FRMPD3: variants seen among roughly 807,000 people sequenced by gnomAD.
FRMPD3 encodes the protein FERM and PDZ domain containing 3, also known as FERM and PDZ domain-containing protein 3.
In FRMPD3, 42 loss-of-function variants were observed where a neutral mutation model predicts 97.9. That is an observed-to-expected ratio of 0.43 (90% CI 0.34 to 0.55). FRMPD3 has a LOEUF of 0.55. Ranked by LOEUF, FRMPD3 falls within the 20% of genes least tolerant of loss-of-function variation. The pLI is 0.03. For missense variants in FRMPD3, 1,303 were observed against 1,457.7 expected, an observed-to-expected ratio of 0.89 and a Z score of 1.73; for synonymous variants, 577 against 581.1, an observed-to-expected ratio of 0.99 and a Z score of 0.10.
At position 107,597,523 on chromosome X, in the gene FRMPD3, G is replaced by A. The variant is rs756607379; in HGVS notation, c.1644G>A (p.Glu548=). The change falls in exon 14 of 15, where the codon GAG becomes GAA. Residue 548 remains glutamate, a synonymous_variant. Coordinates refer to ENST00000683843, the MANE Select transcript of FRMPD3 (RefSeq NM_001388459.1). ...AGGAAAGCCGGACAGATGTCAACGAGAACCTAATCTTCTTTGAGGAGACCA... is the reference window on the plus strand; with the variant it reads ...AGGAAAGCCGGACAGATGTCAACGAAAACCTAATCTTCTTTGAGGAGACCA... ...KEQESRTDVN[E]NLIFFEETRP... 8.3e-7 allele frequency: 1 copy of A among 1,210,688 alleles called. No individual in the cohort carries two copies. Among genetic ancestry groups the A allele is most frequent in the Admixed American group, 2.2e-5 (1 of 46,001 alleles).
chrX:107,520,497 A>AG (rs199600421), intron 1 of FRMPD3, among the ~76,000 whole-genome samples: 2 of 109,718 alleles, frequency 1.8e-5, no homozygotes, highest in African/African-American at 6.7e-5. Flanking sequence ...AAAAAAAAAA[A>AG]ACACACACAA....
rs746102355 is a variant in FRMPD3 at position 107,552,848 on chromosome X, T to C, written c.564T>C (p.Phe188=). 2.5e-6 allele frequency: 3 copies of C among 1,208,973 alleles called. No individual in the cohort carries two copies. The part of the protein sequence containing the change: ...DRLSLRFIEH[F]ALVLEYAGPE... ...TTTCCCTGAGGTTCATTGAGCACTT[T>C]GCTCTTGTCCTTGAGTATGCCGGGC... is the stretch of plus-strand genomic sequence containing the variant. The change falls in exon 7 of 15, where the codon TTT becomes TTC. Residue 188 remains phenylalanine (F), a synonymous_variant. Transcript: ENST00000683843.
intron 13 of FRMPD3, among the ~76,000 whole-genome samples, chrX:107,584,917 G>T (rs1478095739): frequency 2.7e-5 from 3 of 111,565 alleles, no homozygotes; most frequent in African/African-American, 9.8e-5. Flanking sequence ...GGATTGTCTT[G>T]GTTATACAGG....
chrX:107,591,830 G>A (rs1381381652), intron 13 of FRMPD3, among the ~76,000 whole-genome samples: 3 of 111,902 alleles, frequency 2.7e-5, no homozygotes, highest in Admixed American at 1.9e-4. Flanking sequence ...TTACAGGCAT[G>A]CAATGTGAAA....
intron 3 of FRMPD3, among the ~76,000 whole-genome samples, chrX:107,533,037 C>T (rs1489428590): frequency 1.8e-5 from 2 of 111,530 alleles, no homozygotes; most frequent in Admixed American, 9.5e-5. Context: ...GTCATGGTGA[C>T]CAAATGACCT....
At chrX:107,525,688 C>T (rs904831477) in intron 1 of FRMPD3, 2 of 558,209 alleles carry the variant, frequency 3.6e-6, no homozygotes, top group East Asian at 3.2e-5. Flanking sequence ...GCATTATGGA[C>T]AATTTTGGTC....
At chrX:107,450,722 A>C (rs1931273016) in intron 1 of FRMPD3, among the ~76,000 whole-genome samples, 1 of 109,433 alleles carries the variant, frequency 9.1e-6, no homozygotes, top group Non-Finnish European at 1.9e-5. Flanking sequence ...TGCACACACA[A>C]ACACACTCCT....
At chrX:107,469,535 G>C (rs1921007968) in intron 1 of FRMPD3, among the ~76,000 whole-genome samples, 1 of 111,975 alleles carries the variant, frequency 8.9e-6, no homozygotes, top group Admixed American at 9.4e-5. Flanking sequence ...ATGAAAGGAA[G>C]AAAAGGATAG....
rs771705162 is a variant in FRMPD3, at chrX:107,533,550, G to GGTGA, written c.297+6_297+9dup. 63 of 1,202,528 alleles carry GGTGA rather than the reference G, an allele frequency of 5.2e-5. No homozygotes were observed. The highest frequency in any genetic ancestry group is 7.0e-5 in the Non-Finnish European group (62 of 890,762). On this transcript the variant is annotated frameshift_variant and splice_region_variant. Transcript: ENST00000683843. LOFTEE classifies it high-confidence loss of function. Reference sequence around the variant, plus strand: ...TTCTTACAGTTCTGCACACTCATCAGGTGAGTGAGCCTCTTTGCCATCTGC... The same window carrying GGTGA: ...TTCTTACAGTTCTGCACACTCATCAGGTGAGTGAGTGAGCCTCTTTGCCATCTGC...
At chrX:107,514,640 C>A (rs947976718) in intron 1 of FRMPD3, among the ~76,000 whole-genome samples, 1 of 109,165 alleles carries the variant, frequency 9.2e-6, no homozygotes, top group African/African-American at 3.4e-5. Context: ...ATTCTCCTGC[C>A]TCAGCCTCCC....
intron 1 of FRMPD3, among the ~76,000 whole-genome samples, chrX:107,476,052 T>C (rs1248474145): frequency 9.0e-6 from 1 of 111,234 alleles, no homozygotes; most frequent in Non-Finnish European, 1.9e-5. Flanking sequence ...CCTGGCTAAT[T>C]TTTTGCATTT....
In FRMPD3 at chrX:107,600,883, G is replaced by A. The variant is rs753330586; in HGVS notation, c.2844G>A (p.Lys948=). 1 of 1,209,817 alleles carries A rather than the reference G, an allele frequency of 8.3e-7. No individual in the cohort carries two copies. Among genetic ancestry groups the A allele is most frequent in the East Asian group, 3.0e-5 (1 of 33,770 alleles). ...RLSPKLILDP[K]SSVTPAIISA... ...GCCCCAAGCTTATCCTCGACCCAAA[G>A]AGCAGTGTGACCCCTGCCATCATCT... The change falls in exon 15 of 15, where the codon AAG becomes AAA. Residue 948 remains lysine, a synonymous_variant. Transcript: ENST00000683843.
chrX:107,542,859 G>C (rs1195173132), intron 4 of FRMPD3, among the ~76,000 whole-genome samples: 1 of 111,856 alleles, frequency 8.9e-6, no homozygotes, highest in Non-Finnish European at 1.9e-5. Flanking sequence ...GGCCCATAGG[G>C]GTGGTGGTTT....
chrX:107,554,859 C>T, intron 8 of FRMPD3: 1 of 191,369 alleles, frequency 5.2e-6, no homozygotes, highest in Admixed American at 6.3e-5. Context: ...AGATGATTCC[C>T]AATTCAGTTT....
chrX:107,594,454 C>G (rs1384877428), intron 13 of FRMPD3, among the ~76,000 whole-genome samples: 1 of 112,116 alleles, frequency 8.9e-6, no homozygotes, highest in Non-Finnish European at 1.9e-5. Context: ...AATAGTAGGT[C>G]TTATTCATTC....
intron 1 of FRMPD3, among the ~76,000 whole-genome samples, chrX:107,480,913 A>AAAGAAAGG (rs1569410754): frequency 3.8e-5 from 4 of 103,937 alleles, no homozygotes; most frequent in African/African-American, 1.4e-4. Context: ...AGAAAGAAAG[A>AAAGAAAGG]AAGAAAGAAA....
chrX:107,587,277 C>CT (rs993189511), intron 13 of FRMPD3, among the ~76,000 whole-genome samples: 2 of 109,816 alleles, frequency 1.8e-5, no homozygotes, highest in Non-Finnish European at 3.8e-5. Flanking sequence ...ACTACTCCTG[C>CT]TTTTTTTTTC....
At position 107,525,434 on chromosome X, in the gene FRMPD3, C is replaced by T. The variant is rs182066323; in HGVS notation, c.-7-1148C>T. On this transcript the variant is annotated intron_variant, in intron 1 of 14. Transcript: ENST00000683843. ...CTACACTCAGACCCCTTCTTGCCTG[C>T]AGTATGCCTCCCCTGGCCCTTGATG... Among the ~76,000 whole-genome samples the T allele has an allele frequency of 1.8e-4, 20 of 112,739 alleles. No homozygotes were observed. In the East Asian group the frequency reaches 2.2e-3, roughly 13 times the overall value.
At chrX:107,530,548 C>G in intron 3 of FRMPD3, 37 bp downstream of exon 3, 1 of 977,852 alleles carries the variant, frequency 1.0e-6, no homozygotes, top group Non-Finnish European at 1.4e-6. Context: ...GATCAGTATC[C>G]CCACCCCTGA....
Sources: allele counts gnomAD v4.1 joint callset (sites outside exome capture counted in the v4.1 genomes callset), GRCh38; gene constraint gnomAD v4.1.1; transcripts MANE v1.5; gene names NCBI Gene and HGNC (gene_info 2026-07-23, HGNC 2026-07-21).